PLCE1: variants seen among roughly 807,000 people sequenced by gnomAD.
The protein encoded by PLCE1 is phospholipase C epsilon 1.
A neutral mutation model predicts 242.8 loss-of-function variants in PLCE1; 119 were observed. The ratio of observed to expected loss-of-function variants is 0.49; its 90% confidence interval spans 0.42 to 0.57. The LOEUF (loss-of-function observed/expected upper bound fraction) is 0.57. PLCE1 is among the 20% of genes least tolerant of loss of function. The probability of loss-of-function intolerance (pLI) is 0.00; values close to 1 mark genes in which losing one functional copy is unlikely to be tolerated. For synonymous variants in PLCE1, 945 were observed against 1,017.4 expected (o/e 0.93, Z 1.35); for missense variants, 2,441 against 2,788.8 (o/e 0.88, Z 2.81).
At chr10:94,181,679 C>T (rs1182634813) in intron 4 of PLCE1, among the ~76,000 whole-genome samples, 3 of 152,178 alleles carry the variant, frequency 2.0e-5, no homozygotes, top group Non-Finnish European at 2.9e-5. Flanking sequence ...GCATCTGAGG[C>T]AGGAGGGTTG....
intron 2 of PLCE1, among the ~76,000 whole-genome samples, chr10:94,035,614 C>G (rs6583923): frequency 6.6e-6 from 1 of 152,064 alleles, no homozygotes; most frequent in African/African-American, 2.4e-5. Flanking sequence ...CATTAAGATG[C>G]GGCTGGGGAA....
At chr10:94,130,925 G>A (rs533531985) in intron 2 of PLCE1, among the ~76,000 whole-genome samples, 1 of 152,290 alleles carries the variant, frequency 6.6e-6, no homozygotes, top group South Asian at 2.1e-4. Context: ...CTGGCCATTC[G>A]TCAGTGTCAC....
At chr10:94,283,618 C>A in intron 20 of PLCE1, 172 bp from the exon 21 acceptor site, 1 of 624,906 alleles carries the variant, frequency 1.6e-6, no homozygotes, top group South Asian at 1.8e-5. Context: ...ACTGCATCAA[C>A]CCAATTTTTA....
At chr10:94,280,158 A>G (rs1472676204) in intron 20 of PLCE1, 4 of 530,772 alleles carry the variant, frequency 7.5e-6, no homozygotes, top group African/African-American at 1.9e-5. Context: ...ACAAGTTTCT[A>G]GAGGAAGAGA....
At chr10:94,191,110 C>G (rs978851000) in intron 4 of PLCE1, among the ~76,000 whole-genome samples, 1 of 152,022 alleles carries the variant, frequency 6.6e-6, no homozygotes, top group Non-Finnish European at 1.5e-5. Context: ...AAAAGAAAAA[C>G]CAATGGGGAA....
chr10:94,181,552 G>A (rs575324139), intron 4 of PLCE1, among the ~76,000 whole-genome samples: 94 of 151,878 alleles, frequency 6.2e-4, no homozygotes, highest in African/African-American at 2.2e-3. Flanking sequence ...CTCCAGCCTG[G>A]GTGACAGAGC....
At chr10:94,064,387 C>G (rs2135011940) in intron 2 of PLCE1, among the ~76,000 whole-genome samples, 1 of 152,096 alleles carries the variant, frequency 6.6e-6, no homozygotes, top group Admixed American at 6.6e-5. Context: ...CCTGTCTCTA[C>G]AAAAAATTAG....
At chr10:94,136,194 T>C (rs1422542725) in intron 3 of PLCE1, among the ~76,000 whole-genome samples, 1 of 152,144 alleles carries the variant, frequency 6.6e-6, no homozygotes, top group African/African-American at 2.4e-5. Flanking sequence ...GTCAAAATCA[T>C]AGAGACCTTA....
intron 3 of PLCE1, among the ~76,000 whole-genome samples, chr10:94,135,092 C>A (rs1318289968): frequency 6.6e-6 from 1 of 152,072 alleles, no homozygotes; most frequent in Non-Finnish European, 1.5e-5. Context: ...CTTTAACATG[C>A]AGTGGAAGAA....
intron 5 of PLCE1, among the ~76,000 whole-genome samples, chr10:94,227,763 T>A (rs570275522): frequency 1.4e-4 from 22 of 152,300 alleles, no homozygotes; most frequent in African/African-American, 5.1e-4. Flanking sequence ...CCCCTTCCTG[T>A]CCTGTAAACC....
In PLCE1 at chr10:94,254,799, G is replaced by A; in HGVS notation, c.3398-94G>A. 7.9e-6 allele frequency: 11 copies of A among 1,384,292 alleles called. No individual in the cohort carries two copies. The South Asian group carries it at 1.2e-4, about 15-fold the overall frequency. The allele number at this position is 1,384,292 out of a possible 1,614,324, so 85.8% of individuals were successfully genotyped here. On this transcript the variant is annotated intron_variant, in intron 10 of 32. Coordinates refer to ENST00000371380, the MANE Select transcript of PLCE1 (RefSeq NM_016341.4). ...AGAAACCAGCTGCATAGGTTGATTT[G>A]CTCAGACATCCAGAAGCCTCTCTGG...
At chr10:94,073,522 C>G (rs2044419996) in intron 2 of PLCE1, among the ~76,000 whole-genome samples, 1 of 152,228 alleles carries the variant, frequency 6.6e-6, no homozygotes, top group African/African-American at 2.4e-5. Context: ...TGAGAGAAGA[C>G]AGTTAAAACC....
intron 1 of PLCE1, among the ~76,000 whole-genome samples, chr10:94,029,631 T>G (rs1026044467): frequency 1.3e-5 from 2 of 152,116 alleles, no homozygotes; most frequent in Admixed American, 1.3e-4. Flanking sequence ...AGAGTAGTTG[T>G]AGAGACATGA....
intron 2 of PLCE1, among the ~76,000 whole-genome samples, chr10:94,048,263 G>A (rs547380669): frequency 6.6e-6 from 1 of 151,966 alleles, no homozygotes; most frequent in South Asian, 2.1e-4. Context: ...TGTTATATGT[G>A]TCCAAAATTT....
chr10:94,251,030 G>T (rs964842581), intron 8 of PLCE1, among the ~76,000 whole-genome samples: 1 of 152,094 alleles, frequency 6.6e-6, no homozygotes. Flanking sequence ...TCCAGGAAGG[G>T]GCTTCTGATT....
At position 94,031,700 on chromosome 10, in the gene PLCE1, A is replaced by T; in HGVS notation, c.654A>T (p.Pro218=). 6.2e-7 allele frequency: 1 copy of T among 1,613,906 alleles called. No homozygotes were observed. Among genetic ancestry groups the T allele is most frequent in the Non-Finnish European group, 8.5e-7 (1 of 1,179,880 alleles). ...TAGACGATTGTGGAAATTGTGTACC[A>T]CTACCTGGGGGTGAGGAGAAGCAAA... ...LILDDCGNCV[P]LPGGEEKQKK... The change falls in exon 2 of 33, where the codon CCA becomes CCT. Residue 218 remains proline, a synonymous_variant. Transcript: ENST00000371380.
At position 94,212,632 on chromosome 10, in the gene PLCE1, C is replaced by T. The variant is rs978021950; in HGVS notation, c.1810-14674C>T. On this transcript the variant is annotated intron_variant, in intron 4 of 32. Transcript: ENST00000371380. ...TCTCAAACTCCTGAACTCAAGTGAT[C>T]CACCCACCTCAGCCTCCCAAAATGC... Among the ~76,000 whole-genome samples the T allele has an allele frequency of 1.1e-4, 16 of 152,126 alleles. 1 individual carries two copies. Among genetic ancestry groups the T allele is most frequent in the African/African-American group, 3.9e-4 (16 of 41,438 alleles).
At position 94,031,480 on chromosome 10, in the gene PLCE1, A is replaced by G. The variant is rs761721376; in HGVS notation, c.434A>G (p.Glu145Gly). Residue 145 changes from glutamate to glycine, a missense_variant, in exon 2 of 33, where the codon GAA becomes GGA. This residue lies in a region of PLCE1 where 393 missense variants were observed against 378.5 expected (regional missense o/e 1.04). Coordinates refer to ENST00000371380, the MANE Select transcript of PLCE1 (RefSeq NM_016341.4). Reference protein sequence around the residue: ...CLETGIPSPLERKVFPGIQLE... With the variant: ...CLETGIPSPLGRKVFPGIQLE... Reference sequence around the variant, plus strand: ...GAAACTGGAATTCCTTCTCCACTGGAAAGAAAGGTGTTCCCTGGAATTCAA... The same window carrying G: ...GAAACTGGAATTCCTTCTCCACTGGGAAGAAAGGTGTTCCCTGGAATTCAA... 2 of 1,613,320 alleles carry G rather than the reference A, an allele frequency of 1.2e-6. No individual in the cohort carries two copies. Among genetic ancestry groups the G allele is most frequent in the South Asian group, 2.2e-5 (2 of 91,078 alleles).
intron 2 of PLCE1, among the ~76,000 whole-genome samples, chr10:94,057,055 GA>G (rs1318296357): frequency 6.6e-6 from 1 of 152,156 alleles, no homozygotes; most frequent in African/African-American, 2.4e-5. Flanking sequence ...TTCATCAGGT[GA>G]TAGACATTTG....
Sources: allele counts gnomAD v4.1 joint callset (sites outside exome capture counted in the v4.1 genomes callset), GRCh38; gene constraint gnomAD v4.1.1; regional missense constraint gnomAD v4.1.1; transcripts MANE v1.5; gene names NCBI Gene and HGNC (gene_info 2026-07-23, HGNC 2026-07-21).